DDX21: variants seen among roughly 807,000 people sequenced by gnomAD.
DDX21 encodes the protein DExD-box helicase 21.
In DDX21, 18 loss-of-function variants were observed where a neutral mutation model predicts 90.0. The observed-to-expected ratio is 0.20, with a 90% CI of 0.14 to 0.30. DDX21 has a LOEUF of 0.30. DDX21 is among the 10% of genes least tolerant of loss of function. DDX21 has a pLI of 1.00. For synonymous variants in DDX21, 294 were observed against 318.0 expected (o/e 0.92, Z 0.80); for missense variants, 673 against 944.5 (o/e 0.71, Z 3.77).
At chr10:68,973,925 T>A (rs1263516862) in intron 10 of DDX21, among the ~76,000 whole-genome samples, 1 of 152,106 alleles carries the variant, frequency 6.6e-6, no homozygotes, top group Non-Finnish European at 1.5e-5. Context: ...ATAATTAAGA[T>A]TGAGGGGCTG....
rs749425761 is a variant in DDX21, at chr10:68,960,206, C to G, written c.488C>G (p.Pro163Arg). Residue 163 changes from proline (P) to arginine (R), a missense_variant, in exon 2 of 15, where the codon CCC becomes CGC. Physicochemically the swap from Pro to Arg is moderately radical, Grantham distance 103. This residue lies in a region of DDX21 where 204 missense variants were observed against 221.6 expected (regional missense o/e 0.92). Transcript: ENST00000354185. ...CCTCATCCTGAACCGGACTGTAACC[C>G]CAGTGAAGCTGCCAGTGAAGAAAGT... ...GFPHPEPDCN[P>R]SEAASEESNS... The G allele has an allele frequency of 6.2e-7, 1 of 1,608,286 alleles. No individual in the cohort carries two copies. The highest frequency in any genetic ancestry group is 8.5e-7 in the Non-Finnish European group (1 of 1,178,574).
intron 6 of DDX21, 124 bp from the exon 7 acceptor site, chr10:68,968,852 C>A: frequency 9.1e-7 from 1 of 1,097,274 alleles, no homozygotes; most frequent in Non-Finnish European, 1.3e-6. Flanking sequence ...TCCTCAGTGC[C>A]CGACTTGGCC....
chr10:68,978,202 G>T (rs1843133286), intron 12 of DDX21, among the ~76,000 whole-genome samples: 1 of 152,110 alleles, frequency 6.6e-6, no homozygotes, highest in Non-Finnish European at 1.5e-5. Context: ...AATATGAGTG[G>T]TCCTGACTGG....
chr10:68,960,651 C>T (rs1842861174), intron 2 of DDX21, among the ~76,000 whole-genome samples: 2 of 151,680 alleles, frequency 1.3e-5, no homozygotes, highest in South Asian at 2.1e-4. Context: ...TTAGTAGAGG[C>T]GGGCTTTCAC....
At chr10:68,970,031 T>C (rs1267216112) in intron 7 of DDX21, among the ~76,000 whole-genome samples, 170 bp from the exon 8 acceptor site, 1 of 152,194 alleles carries the variant, frequency 6.6e-6, no homozygotes, top group Admixed American at 6.5e-5. Flanking sequence ...CTGGCTTATT[T>C]AGGTTTTTTT....
Position 68,978,870 on chromosome 10 carries a change from C to T in DDX21, c.1931C>T (p.Ser644Leu). ...TTTGTGACCATGATCTTGCAGTGCTCAATTGAAATGCCAAATATTAGTTAT... is the reference window on the plus strand; with the variant it reads ...TTTGTGACCATGATCTTGCAGTGCTTAATTGAAATGCCAAATATTAGTTAT... ...VGFVTMILQC[S>L]IEMPNISYAW... The change falls in exon 13 of 15, where the codon TCA (serine) becomes TTA (leucine). Residue 644 changes from serine (S) to leucine (L), a missense_variant. Ser to Leu is a moderately radical substitution (Grantham distance 145). Transcript: ENST00000354185. The T allele has an allele frequency of 6.2e-7, 1 of 1,613,960 alleles. No homozygotes were observed.
rs1842950401 is a variant in DDX21, at chr10:68,967,122, G to A, written c.1009G>A (p.Val337Ile). 5 of 1,612,282 alleles carry A rather than the reference G, an allele frequency of 3.1e-6. No homozygotes were observed. The highest frequency in any genetic ancestry group is 4.2e-6 in the Non-Finnish European group (5 of 1,179,430). ...KLDLTKLKHV[V>I]LDEVDQMLDM... The stretch of plus-strand genomic sequence containing the variant: ...AGATCTCACCAAACTTAAGCATGTT[G>A]TCCTGGATGAAGTGGACCAGATGTT... Residue 337 changes from valine to isoleucine, a missense_variant, in exon 6 of 15, where the codon GTC becomes ATC. By Grantham distance (29) the Val-to-Ile change is conservative. This residue lies in a region of DDX21 where 218 missense variants were observed against 347.3 expected (regional missense o/e 0.63). Transcript: ENST00000354185.
intron 13 of DDX21, among the ~76,000 whole-genome samples, chr10:68,980,259 A>G (rs933364596): frequency 1.3e-5 from 2 of 152,050 alleles, no homozygotes; most frequent in African/African-American, 4.8e-5. Flanking sequence ...AATTTTATAT[A>G]TATATAAATC....
chr10:68,973,420 G>T, intron 9 of DDX21, 125 bp from the exon 10 acceptor site: 1 of 1,192,130 alleles, frequency 8.4e-7, no homozygotes, highest in Non-Finnish European at 1.2e-6. Flanking sequence ...AGTGCTAAGG[G>T]ACCTTCTCCC....
At position 68,978,822 on chromosome 10, in the gene DDX21, C is replaced by G; in HGVS notation, c.1903-20C>G. 1 of 1,591,092 alleles carries G rather than the reference C, an allele frequency of 6.3e-7. No homozygotes were observed. Among genetic ancestry groups the G allele is most frequent in the South Asian group, 1.1e-5 (1 of 88,318 alleles). ...TTATTTTCAGCACTTTAATTTTATT[C>G]TCCTTTCTTGTGTTGTAAGGGTTTT... On this transcript the variant is annotated intron_variant, in intron 12 of 14. Transcript: ENST00000354185.
At chr10:68,956,443 T>G (rs1165156273) in intron 1 of DDX21, 131 bp downstream of exon 1, 5 of 1,493,670 alleles carry the variant, frequency 3.3e-6, no homozygotes, top group Non-Finnish European at 4.5e-6. Context: ...CGGGCGTGGG[T>G]CTTGGCGGGC....
chr10:68,963,221 C>G (rs1002097126), intron 3 of DDX21, 70 bp from the exon 4 acceptor site: 21 of 1,474,710 alleles, frequency 1.4e-5, no homozygotes, highest in Admixed American at 1.2e-4. Context: ...GAGTAGTATA[C>G]TTCAGTATGT....
In DDX21 at chr10:68,956,172, C is replaced by G. The variant is rs1413986283; in HGVS notation, c.-54C>G. The G allele has an allele frequency of 1.5e-5, 24 of 1,587,428 alleles. No homozygotes were observed. Among genetic ancestry groups the G allele is most frequent in the Non-Finnish European group, 1.7e-5 (20 of 1,159,882 alleles). On this transcript the variant is annotated 5_prime_UTR_variant, in exon 1 of 15. Transcript: ENST00000354185. The stretch of plus-strand genomic sequence containing the variant: ...GTGGACCCAGGGTGGGGAACTACCT[C>G]TTCCTCTCCACGCGGTTGAGAAGAC...
chr10:68,980,056 C>G (rs1843163414), intron 13 of DDX21, among the ~76,000 whole-genome samples: 1 of 152,112 alleles, frequency 6.6e-6, no homozygotes. Context: ...GCCTGACCAA[C>G]ATGGAGAAAA....
intron 4 of DDX21, 122 bp from the exon 5 acceptor site, chr10:68,965,255 T>C: frequency 1.5e-6 from 1 of 653,260 alleles, no homozygotes; most frequent in Admixed American, 2.8e-5. Context: ...GATAATGTTA[T>C]CGTCATCATC....
At chr10:68,971,455 C>T (rs770339769) in intron 8 of DDX21, among the ~76,000 whole-genome samples, 1 of 152,020 alleles carries the variant, frequency 6.6e-6, no homozygotes. Context: ...CCATATTGCC[C>T]AGGCTGGTCT....
intron 11 of DDX21, among the ~76,000 whole-genome samples, chr10:68,977,006 C>G (rs1000612893): frequency 6.6e-6 from 1 of 151,380 alleles, no homozygotes; most frequent in African/African-American, 2.4e-5. Context: ...ACAGTCATAG[C>G]TCACTGCAAT....
rs915516217 is a variant in DDX21 at position 68,965,621 on chromosome 10, C to G, written c.904+127C>G. 3 of 690,160 alleles carry G rather than the reference C, an allele frequency of 4.3e-6. No homozygotes were observed. The African/African-American group carries it at 5.4e-5, about 12-fold the overall frequency. 42.8% of individuals were successfully genotyped at this position (690,160 alleles called of 1,614,324 possible). A position where few individuals can be genotyped will look rare whatever the true frequency, so the allele number is the denominator to read the frequency against. ...AGTCGTTTATGGGGATTTTCTTTTG[C>G]CATTGTTTAAACATGGTCAAGAACA... On this transcript the variant is annotated intron_variant, in intron 5 of 14. Coordinates refer to ENST00000354185, the MANE Select transcript of DDX21 (RefSeq NM_004728.4).
intron 2 of DDX21, among the ~76,000 whole-genome samples, chr10:68,960,974 T>TGCATAAGTCCTTTTG (rs1326902916): frequency 2.6e-5 from 4 of 152,188 alleles, no homozygotes; most frequent in Non-Finnish European, 5.9e-5. Flanking sequence ...AAAGGTTGAT[T>TGCATAAGTCCTTTTG]GCATAAGTCC....
Sources: allele counts gnomAD v4.1 joint callset (sites outside exome capture counted in the v4.1 genomes callset), GRCh38; gene constraint gnomAD v4.1.1; regional missense constraint gnomAD v4.1.1; transcripts MANE v1.5; gene names NCBI Gene and HGNC (gene_info 2026-07-23, HGNC 2026-07-21).